SLC25A12: variants seen among roughly 807,000 people sequenced by gnomAD.
The protein encoded by SLC25A12 is solute carrier family 25 member 12, also known as electrogenic aspartate/glutamate antiporter SLC25A12, mitochondrial.
A neutral mutation model predicts 83.3 loss-of-function variants in SLC25A12; 32 were observed. The observed-to-expected ratio is 0.38, with a 90% confidence interval of 0.29 to 0.52. SLC25A12 has a LOEUF of 0.52. Among genes scored for constraint, SLC25A12 ranks in the 20% least tolerant of loss-of-function variants. The probability of loss-of-function intolerance (pLI) is 0.84; values close to 1 mark genes in which losing one functional copy is unlikely to be tolerated. For synonymous variants in SLC25A12, 267 were observed against 291.1 expected (o/e 0.92, Z 0.84); for missense variants, 611 against 835.6 (o/e 0.73, Z 3.31).
At chr2:171,799,360 G>A (rs1369216902) in intron 13 of SLC25A12, among the ~76,000 whole-genome samples, 1 of 152,170 alleles carries the variant, frequency 6.6e-6, no homozygotes, top group Non-Finnish European at 1.5e-5. Context: ...ACATAAGTAT[G>A]TAGGCATAAA....
intron 2 of SLC25A12, among the ~76,000 whole-genome samples, chr2:171,876,512 A>G (rs1436425183): frequency 8.3e-6 from 1 of 121,110 alleles, no homozygotes; most frequent in Non-Finnish European, 1.6e-5. Context: ...TTGGTGATAT[A>G]TTTAAATCAG....
At chr2:171,814,570 G>T (rs1209947919) in intron 10 of SLC25A12, among the ~76,000 whole-genome samples, 1 of 151,620 alleles carries the variant, frequency 6.6e-6, no homozygotes, top group Non-Finnish European at 1.5e-5. Context: ...ACGGGCGTTT[G>T]TTGTACATAT....
At chr2:171,819,798 C>T (rs1684145484) in intron 9 of SLC25A12, among the ~76,000 whole-genome samples, 1 of 151,958 alleles carries the variant, frequency 6.6e-6, no homozygotes, top group Non-Finnish European at 1.5e-5. Context: ...AGAAGGTCCA[C>T]AGAAATGCAA....
At chr2:171,882,594 G>C (rs1293295426) in intron 2 of SLC25A12, among the ~76,000 whole-genome samples, 3 of 152,344 alleles carry the variant, frequency 2.0e-5, no homozygotes, top group South Asian at 2.1e-4. Context: ...CTCATGGCTA[G>C]AGCCAGTACA....
intron 13 of SLC25A12, among the ~76,000 whole-genome samples, chr2:171,799,908 G>A (rs993609213): frequency 6.6e-6 from 1 of 152,176 alleles, no homozygotes; most frequent in African/African-American, 2.4e-5. Flanking sequence ...CCACTCAGGA[G>A]TATATACTCT....
chr2:171,789,868 T>C (rs930606480), intron 15 of SLC25A12, among the ~76,000 whole-genome samples: 1 of 151,200 alleles, frequency 6.6e-6, no homozygotes, highest in African/African-American at 2.4e-5. Context: ...CACTCCAGCC[T>C]GGGTGACAGA....
chr2:171,862,750 T>C (rs751147591), intron 3 of SLC25A12, among the ~76,000 whole-genome samples: 1 of 152,174 alleles, frequency 6.6e-6, no homozygotes, highest in African/African-American at 2.4e-5. Flanking sequence ...TCACATAACA[T>C]ATCTATAGGA....
chr2:171,836,226 G>GA (rs1684553341), intron 6 of SLC25A12, among the ~76,000 whole-genome samples: 2 of 152,136 alleles, frequency 1.3e-5, no homozygotes, highest in South Asian at 4.1e-4. Flanking sequence ...ATTCACTGAA[G>GA]AAAAAGAACA....
chr2:171,816,536 T>A (rs771250450), intron 9 of SLC25A12, among the ~76,000 whole-genome samples: 9 of 152,196 alleles, frequency 5.9e-5, no homozygotes, highest in Non-Finnish European at 1.0e-4. Flanking sequence ...TGTAAATAGT[T>A]GTTATACTGT....
At chr2:171,881,500 C>G (rs563127273) in intron 2 of SLC25A12, among the ~76,000 whole-genome samples, 3 of 152,180 alleles carry the variant, frequency 2.0e-5, no homozygotes, top group African/African-American at 7.2e-5. Context: ...AGAAACACGA[C>G]CAAGAACAGT....
At chr2:171,875,786 G>T (rs765068668) in intron 2 of SLC25A12, among the ~76,000 whole-genome samples, 1 of 151,812 alleles carries the variant, frequency 6.6e-6, no homozygotes, top group Non-Finnish European at 1.5e-5. Flanking sequence ...GGTGGCGGGC[G>T]CCTGTAGTCC....
intron 6 of SLC25A12, among the ~76,000 whole-genome samples, chr2:171,835,520 A>T (rs1325497466): frequency 6.6e-6 from 1 of 152,250 alleles, no homozygotes; most frequent in Non-Finnish European, 1.5e-5. Flanking sequence ...CTCATGCCTG[A>T]GATGGCGGGC....
intron 4 of SLC25A12, among the ~76,000 whole-genome samples, chr2:171,851,080 G>C (rs1321965784): frequency 6.6e-6 from 1 of 152,162 alleles, no homozygotes; most frequent in Non-Finnish European, 1.5e-5. Flanking sequence ...TCCATTCCTA[G>C]GCAAACACCA....
At chr2:171,787,995 G>C (rs766760330) in intron 15 of SLC25A12, 48 bp from the exon 16 acceptor site, 3 of 1,593,464 alleles carry the variant, frequency 1.9e-6, no homozygotes, top group Non-Finnish European at 2.6e-6. Context: ...CCTTATAAAA[G>C]ATAGGAATAC....
intron 11 of SLC25A12, among the ~76,000 whole-genome samples, chr2:171,812,395 T>C (rs1010357325): frequency 1.3e-5 from 2 of 152,108 alleles, no homozygotes; most frequent in African/African-American, 2.4e-5. Context: ...GAGCTCAGAA[T>C]AGGCTAGGGA....
chr2:171,864,107 G>T (rs1048056215), intron 3 of SLC25A12, among the ~76,000 whole-genome samples: 2 of 152,148 alleles, frequency 1.3e-5, no homozygotes, highest in African/African-American at 2.4e-5. Flanking sequence ...TCTATTGCAT[G>T]CGAGTCTTGT....
intron 4 of SLC25A12, among the ~76,000 whole-genome samples, chr2:171,854,233 A>G (rs1447404824): frequency 2.6e-5 from 4 of 152,202 alleles, no homozygotes; most frequent in Non-Finnish European, 5.9e-5. Context: ...GCTTGCTCCA[A>G]AGGAGGAGGA....
chr2:171,890,851 A>G (rs1685918741), intron 2 of SLC25A12, among the ~76,000 whole-genome samples: 1 of 152,140 alleles, frequency 6.6e-6, no homozygotes, highest in African/African-American at 2.4e-5. Flanking sequence ...TCACTCTCTT[A>G]TCTATCAATA....
chr2:171,880,770 A>G (rs1463030678), intron 2 of SLC25A12, among the ~76,000 whole-genome samples: 1 of 152,168 alleles, frequency 6.6e-6, no homozygotes, highest in African/African-American at 2.4e-5. Flanking sequence ...CTAGATTTGT[A>G]TATGTTTGAA....
Sources: gnomAD v4.1 joint callset for allele counts (sites outside exome capture counted in the v4.1 genomes callset) on GRCh38, gnomAD v4.1.1 for gene constraint, MANE v1.5 for transcripts, NCBI Gene and HGNC (gene_info 2026-07-23, HGNC 2026-07-21) for gene names.